Variants in PTPRD observed in about 807,000 individuals in gnomAD.
The protein encoded by PTPRD is receptor-type tyrosine-protein phosphatase delta.
In PTPRD, 34 loss-of-function variants were observed where a neutral mutation model predicts 214.5. The observed-to-expected ratio is 0.16, with a 90% CI of 0.12 to 0.21. The LOEUF is 0.21. PTPRD is among the 10% of genes least tolerant of loss of function. The probability of loss-of-function intolerance (pLI) is 1.00; values close to 1 mark genes in which losing one functional copy is unlikely to be tolerated. For synonymous variants in PTPRD, 1,128 were observed against 845.7 expected, an observed-to-expected ratio of 1.33 and a Z score of -5.79; for missense variants, 2,545 against 2,398.7, an observed-to-expected ratio of 1.06 and a Z score of -1.27.
rs147796917 is a variant in PTPRD at position 9,732,030 on chromosome 9, C to G, written c.-287+2503G>C. 1.3e-3 allele frequency among the ~76,000 whole-genome samples: 204 copies of G among 152,096 alleles called. 1 individual carries two copies. The highest frequency in any genetic ancestry group is 4.6e-3 in the African/African-American group (189 of 41,504). ...ATCTTAAAAACAAAGAGTTCAAGGA[C>G]AGGGGGAATCAAACTACAATATTGA... On this transcript the variant is annotated intron_variant, in intron 7 of 45. Transcript: ENST00000381196.
chr9:8,610,344 GTAT>G (rs2095402793), intron 14 of PTPRD, among the ~76,000 whole-genome samples: 1 of 152,084 alleles, frequency 6.6e-6, no homozygotes, highest in Non-Finnish European at 1.5e-5. Context: ...ATCAATTTCA[GTAT>G]TCAGAGGAAA....
At chr9:9,764,040 C>G (rs1428504147) in intron 6 of PTPRD, among the ~76,000 whole-genome samples, 1 of 152,100 alleles carries the variant, frequency 6.6e-6, no homozygotes, top group African/African-American at 2.4e-5. Flanking sequence ...TTGAGCACCT[C>G]TCCATTGTAG....
chr9:10,493,699 AG>A (rs2041124128), intron 2 of PTPRD, among the ~76,000 whole-genome samples: 1 of 152,036 alleles, frequency 6.6e-6, no homozygotes, highest in Admixed American at 6.6e-5. Flanking sequence ...CATTTTCTAA[AG>A]CTTTAAAGTT....
At chr9:9,537,652 T>C (rs968212773) in intron 8 of PTPRD, among the ~76,000 whole-genome samples, 2 of 152,016 alleles carry the variant, frequency 1.3e-5, no homozygotes, top group African/African-American at 2.4e-5. Flanking sequence ...TGTAAAGATA[T>C]GGCTAAGGGT....
At chr9:9,478,583 C>T (rs773305318) in intron 8 of PTPRD, among the ~76,000 whole-genome samples, 2 of 152,160 alleles carry the variant, frequency 1.3e-5, no homozygotes, top group Admixed American at 1.3e-4. Flanking sequence ...ACATTTAGAT[C>T]TAACCATTTA....
chr9:10,017,247 C>G (rs974585523), intron 4 of PTPRD, among the ~76,000 whole-genome samples: 19 of 151,972 alleles, frequency 1.3e-4, no homozygotes, highest in African/African-American at 4.6e-4. Context: ...AAGGTATAAG[C>G]TATTAACTTG....
At chr9:9,451,028 T>A (rs1167508174) in intron 8 of PTPRD, among the ~76,000 whole-genome samples, 1 of 146,790 alleles carries the variant, frequency 6.8e-6, no homozygotes, top group Non-Finnish European at 1.5e-5. Context: ...AATACATCAC[T>A]GAGCTAGCAA....
intron 9 of PTPRD, among the ~76,000 whole-genome samples, chr9:9,268,225 C>G (rs879675534): frequency 1.3e-5 from 2 of 151,056 alleles, no homozygotes; most frequent in Admixed American, 6.6e-5. Flanking sequence ...TAAGAATGAA[C>G]TCTTAAGAAA....
At chr9:9,111,204 G>C (rs1325502809) in intron 10 of PTPRD, among the ~76,000 whole-genome samples, 1 of 111,704 alleles carries the variant, frequency 9.0e-6, no homozygotes. Flanking sequence ...AAATTCATTA[G>C]ATAAAGAAAA....
At chr9:10,307,453 A>G (rs2154413827) in intron 3 of PTPRD, among the ~76,000 whole-genome samples, 1 of 152,152 alleles carries the variant, frequency 6.6e-6, no homozygotes, top group African/African-American at 2.4e-5. Flanking sequence ...TTCTTTATCC[A>G]TTCATTCATT....
intron 8 of PTPRD, among the ~76,000 whole-genome samples, chr9:9,500,177 G>C (rs1169002430): frequency 6.6e-6 from 1 of 152,006 alleles, no homozygotes; most frequent in Non-Finnish European, 1.5e-5. Flanking sequence ...TTTATGAAAA[G>C]TAATAAAACA....
intron 10 of PTPRD, among the ~76,000 whole-genome samples, chr9:9,135,517 A>C (rs1436467604): frequency 6.6e-6 from 1 of 151,138 alleles, no homozygotes; most frequent in Non-Finnish European, 1.5e-5. Flanking sequence ...TGCAAGAGTT[A>C]GTGCTGGAGA....
At chr9:8,817,596 C>G (rs1172386037) in intron 11 of PTPRD, among the ~76,000 whole-genome samples, 2 of 152,024 alleles carry the variant, frequency 1.3e-5, no homozygotes, top group African/African-American at 4.8e-5. Flanking sequence ...ACACCACTGT[C>G]CTCCACCCTG....
chr9:9,371,575 A>G (rs2059503677), intron 9 of PTPRD, among the ~76,000 whole-genome samples: 1 of 152,050 alleles, frequency 6.6e-6, no homozygotes, highest in Non-Finnish European at 1.5e-5. Flanking sequence ...TCCTGGATTC[A>G]TTGATTTTTT....
chr9:10,569,619 G>A (rs1295577779), intron 2 of PTPRD, among the ~76,000 whole-genome samples: 1 of 151,194 alleles, frequency 6.6e-6, no homozygotes, highest in African/African-American at 2.4e-5. Context: ...AAATTATTAG[G>A]ATTAATTTCA....
At chr9:9,833,125 T>G (rs994200027) in intron 5 of PTPRD, among the ~76,000 whole-genome samples, 1 of 151,980 alleles carries the variant, frequency 6.6e-6, no homozygotes, top group Admixed American at 6.6e-5. Flanking sequence ...AATACAGATA[T>G]ATTTCTAAGG....
At chr9:8,672,154 C>A (rs934791999) in intron 12 of PTPRD, among the ~76,000 whole-genome samples, 23 of 152,184 alleles carry the variant, frequency 1.5e-4, no homozygotes, top group Non-Finnish European at 4.4e-5. Context: ...CAATCTAACA[C>A]TAATAAAACC....
intron 44 of PTPRD, among the ~76,000 whole-genome samples, chr9:8,322,327 G>T (rs866982517): frequency 1.3e-5 from 2 of 152,302 alleles, no homozygotes; most frequent in South Asian, 4.1e-4. Context: ...TGTGCTGAAA[G>T]CTAGGCCTCT....
At chr9:9,431,295 A>G (rs1245184333) in intron 8 of PTPRD, among the ~76,000 whole-genome samples, 1 of 152,272 alleles carries the variant, frequency 6.6e-6, no homozygotes, top group Non-Finnish European at 1.5e-5. Flanking sequence ...CAACAGACAC[A>G]TGAAAAATTG....
Sources: gnomAD v4.1 joint callset for allele counts (sites outside exome capture counted in the v4.1 genomes callset) on GRCh38, gnomAD v4.1.1 for gene constraint, MANE v1.5 for transcripts, NCBI Gene and HGNC (gene_info 2026-07-23, HGNC 2026-07-21) for gene names.